The following TIMP3 variants were observed in gnomAD, a reference collection of about 807,000 sequenced individuals.
The protein encoded by TIMP3 is TIMP metallopeptidase inhibitor 3.
TIMP3 carries 11 observed loss-of-function variants against 30.0 expected under a neutral mutation model. The ratio of observed to expected loss-of-function variants is 0.37; its 90% CI spans 0.23 to 0.61. The LOEUF (loss-of-function observed/expected upper bound fraction) is 0.61, where lower values mean the gene tolerates loss of function less well. Ranked by LOEUF, TIMP3 falls within the 20% of genes least tolerant of loss-of-function variation. The probability of loss-of-function intolerance (pLI) is 0.70; values close to 1 mark genes in which losing one functional copy is unlikely to be tolerated. For missense variants in TIMP3, 181 were observed against 276.8 expected (o/e 0.65, Z 2.45); for synonymous variants, 112 against 111.3 (o/e 1.01, Z -0.04).
At chr22:32,825,657 CAAAAAAAAAAAAAAAAAAAAAAAAAAA>C (rs130292) in intron 1 of TIMP3, among the ~76,000 whole-genome samples, 2 of 28,594 alleles carry the variant, frequency 7.0e-5, no homozygotes, top group Non-Finnish European at 1.2e-4. Flanking sequence ...GTTTCCATCT[CAAAAAAAAAAAAAAAAAAAAAAAAAAA>C]AAAAAAAAAA....
intron 2 of TIMP3, among the ~76,000 whole-genome samples, chr22:32,850,569 G>A (rs901155782): frequency 3.9e-5 from 6 of 152,152 alleles, no homozygotes; most frequent in Admixed American, 3.9e-4. Flanking sequence ...GAGGCCGTGA[G>A]GGAGATACAG....
At chr22:32,840,671 A>C (rs895813154) in intron 1 of TIMP3, among the ~76,000 whole-genome samples, 1 of 151,634 alleles carries the variant, frequency 6.6e-6, no homozygotes, top group Non-Finnish European at 1.5e-5. Context: ...TCAGATCCAG[A>C]CTTCTTCCTC....
intron 1 of TIMP3, among the ~76,000 whole-genome samples, chr22:32,808,650 G>A (rs1017382378): frequency 6.6e-6 from 1 of 152,230 alleles, no homozygotes; most frequent in African/African-American, 2.4e-5. Context: ...CTGGCTCTTG[G>A]CCCATGACAC....
At chr22:32,820,353 C>T (rs909518633) in intron 1 of TIMP3, among the ~76,000 whole-genome samples, 18 of 141,782 alleles carry the variant, frequency 1.3e-4, no homozygotes, top group South Asian at 4.9e-4. Flanking sequence ...CATTCCACTG[C>T]GTGTGTGTGT....
At chr22:32,814,355 A>AAGGAAGAAAGAAAGAAAG (rs2047032198) in intron 1 of TIMP3, among the ~76,000 whole-genome samples, 1 of 150,852 alleles carries the variant, frequency 6.6e-6, no homozygotes, top group African/African-American at 2.5e-5. Context: ...GAAAGAGAGA[A>AAGGAAGAAAGAAAGAAAG]AGAAAGAAAG....
chr22:32,862,628 A>C lies in TIMP3; in HGVS notation c.*3251A>C, dbSNP rs2146314383. The C allele has an allele frequency of 6.6e-6, 1 of 152,370 alleles. No homozygotes were observed. Among genetic ancestry groups the C allele is most frequent in the African/African-American group, 2.4e-5 (1 of 41,596 alleles). The allele number at this position is 152,370 out of a possible 1,614,324, so 9.4% of individuals were successfully genotyped here. ...ACTAGAGTATTTTTATGAGAGACAA[A>C]CATTATAAAAATCTGATGGCAAAAG... On this transcript the variant is annotated 3_prime_UTR_variant, in exon 5 of 5. Transcript: ENST00000266085.
intron 1 of TIMP3, among the ~76,000 whole-genome samples, chr22:32,838,596 T>G (rs2047803276): frequency 6.6e-6 from 1 of 152,194 alleles, no homozygotes; most frequent in African/African-American, 2.4e-5. Flanking sequence ...TAGGGTCCTG[T>G]GACTTGCCTC....
chr22:32,814,624 A>G (rs1457830096), intron 1 of TIMP3, among the ~76,000 whole-genome samples: 2 of 152,224 alleles, frequency 1.3e-5, no homozygotes, highest in Non-Finnish European at 2.9e-5. Flanking sequence ...GGGCTCCTTT[A>G]AGCCAGAGGA....
At chr22:32,857,125 G>A (rs2048391437) in intron 2 of TIMP3, 124 bp from the exon 3 acceptor site, 1 of 762,958 alleles carries the variant, frequency 1.3e-6, no homozygotes, top group East Asian at 2.6e-5. Context: ...CAACATGAGA[G>A]TGCAGACCCC....
At chr22:32,849,802 A>T (rs1353694476) in intron 2 of TIMP3, among the ~76,000 whole-genome samples, 7 of 152,172 alleles carry the variant, frequency 4.6e-5, no homozygotes, top group African/African-American at 1.7e-4. Flanking sequence ...GCCAGATGGC[A>T]GATAGCCTTG....
At chr22:32,818,614 C>T (rs866838986) in intron 1 of TIMP3, among the ~76,000 whole-genome samples, 4 of 152,134 alleles carry the variant, frequency 2.6e-5, no homozygotes, top group African/African-American at 9.7e-5. Context: ...GTGTGTTTGC[C>T]GCCACCCCAT....
chr22:32,803,166 A>ACTGGG (rs773095757), intron 1 of TIMP3, among the ~76,000 whole-genome samples: 2 of 152,096 alleles, frequency 1.3e-5, no homozygotes, highest in Admixed American at 6.5e-5. Flanking sequence ...GTGTGTGTGC[A>ACTGGG]CTGGGCTGGG....
At chr22:32,842,120 G>T (rs73158348) in intron 1 of TIMP3, among the ~76,000 whole-genome samples, 16,635 of 152,174 alleles carry the variant, frequency 0.11, 1,092 homozygotes, top group African/African-American at 0.19. Flanking sequence ...TATCTGCTGG[G>T]ATGGGAAGTG....
chr22:32,812,168 G>A (rs969134787), intron 1 of TIMP3, among the ~76,000 whole-genome samples: 1 of 152,130 alleles, frequency 6.6e-6, no homozygotes, highest in Non-Finnish European at 1.5e-5. Flanking sequence ...TGCCTACTAT[G>A]GTCAAGTTTT....
intron 1 of TIMP3, among the ~76,000 whole-genome samples, chr22:32,828,841 C>T (rs1218663668): frequency 6.6e-6 from 1 of 152,102 alleles, no homozygotes; most frequent in Non-Finnish European, 1.5e-5. Flanking sequence ...GGAGTAGGGG[C>T]TGAAGAGTAT....
intron 1 of TIMP3, among the ~76,000 whole-genome samples, chr22:32,847,390 C>T (rs1197541246): frequency 1.3e-5 from 2 of 152,156 alleles, no homozygotes; most frequent in African/African-American, 2.4e-5. Context: ...TGGAAACAAC[C>T]ACTCGCCTCC....
chr22:32,844,795 C>T (rs1320940162), intron 1 of TIMP3, among the ~76,000 whole-genome samples: 1 of 151,876 alleles, frequency 6.6e-6, no homozygotes, highest in Non-Finnish European at 1.5e-5. Flanking sequence ...ACTGTAGCCT[C>T]GAACTCCTGG....
intron 2 of TIMP3, among the ~76,000 whole-genome samples, chr22:32,854,360 T>C (rs1449761373): frequency 6.6e-6 from 1 of 152,086 alleles, no homozygotes; most frequent in Admixed American, 6.6e-5. Context: ...ATGAGTTGAG[T>C]TCTTACTGAG....
At chr22:32,814,354 A>AAAGG (rs1569245558) in intron 1 of TIMP3, among the ~76,000 whole-genome samples, 5 of 92,554 alleles carry the variant, frequency 5.4e-5, no homozygotes, top group East Asian at 3.5e-4. Context: ...AGAAAGAGAG[A>AAAGG]AAGAAAGAAA....
Sources: allele counts gnomAD v4.1 joint callset (sites outside exome capture counted in the v4.1 genomes callset), GRCh38; gene constraint gnomAD v4.1.1; transcripts MANE v1.5; gene names NCBI Gene and HGNC (gene_info 2026-07-23, HGNC 2026-07-21).